Variants in RAP1A observed in about 807,000 individuals in gnomAD.
The protein encoded by RAP1A is ras-related protein Rap-1A.
A neutral mutation model predicts 26.4 loss-of-function variants in RAP1A; 6 were observed. The observed-to-expected ratio is 0.23, with a 90% CI of 0.12 to 0.45. RAP1A has a LOEUF of 0.45. Among genes scored for constraint, RAP1A ranks in the 20% least tolerant of loss-of-function variants. The probability of loss-of-function intolerance (pLI) is 0.99; values close to 1 mark genes in which losing one functional copy is unlikely to be tolerated. For synonymous variants in RAP1A, 73 were observed against 79.4 expected (o/e 0.92, Z 0.43); for missense variants, 121 against 217.2 (o/e 0.56, Z 2.78).
intron 1 of RAP1A, among the ~76,000 whole-genome samples, chr1:111,677,145 G>A (rs1232766738): frequency 6.6e-6 from 1 of 152,140 alleles, no homozygotes; most frequent in Non-Finnish European, 1.5e-5. Context: ...CTTTGTGTCT[G>A]TCTTATTTTG....
intron 1 of RAP1A, among the ~76,000 whole-genome samples, chr1:111,596,137 T>C (rs1658559797): frequency 6.6e-6 from 1 of 152,202 alleles, no homozygotes; most frequent in East Asian, 1.9e-4. Flanking sequence ...AAAGAGTTAA[T>C]GCTTATTGAT....
intron 1 of RAP1A, among the ~76,000 whole-genome samples, chr1:111,639,812 T>C (rs1659840985): frequency 6.6e-6 from 1 of 152,238 alleles, no homozygotes; most frequent in Non-Finnish European, 1.5e-5. Flanking sequence ...TTAAGCTTAT[T>C]ACAGAGGTTT....
intron 1 of RAP1A, among the ~76,000 whole-genome samples, chr1:111,545,480 T>C (rs1657002531): frequency 1.3e-5 from 2 of 152,152 alleles, no homozygotes; most frequent in Non-Finnish European, 2.9e-5. Context: ...ATTTGTCCTT[T>C]TATTGTTGAA....
intron 1 of RAP1A, among the ~76,000 whole-genome samples, chr1:111,620,395 C>T (rs1659155338): frequency 6.6e-6 from 1 of 152,184 alleles, no homozygotes; most frequent in Non-Finnish European, 1.5e-5. Flanking sequence ...TGTCTAGGGT[C>T]AGAGCTTCCT....
intron 1 of RAP1A, among the ~76,000 whole-genome samples, chr1:111,685,721 C>A (rs1332732635): frequency 4.6e-5 from 7 of 152,150 alleles, no homozygotes; most frequent in South Asian, 2.1e-4. Context: ...TGTGGTGATT[C>A]CTCAAGGATC....
chr1:111,704,453 A>G lies in RAP1A; in HGVS notation c.435A>G (p.Glu145=), dbSNP rs1338607624. 1 of 1,613,716 alleles carries G rather than the reference A, an allele frequency of 6.2e-7. No homozygotes were observed. Among genetic ancestry groups the G allele is most frequent in the Admixed American group, 1.7e-5 (1 of 59,950 alleles). The change falls in exon 6 of 8, where the codon GAA becomes GAG. Residue 145 remains glutamate, a synonymous_variant. Coordinates refer to ENST00000369709, the MANE Select transcript of RAP1A (RefSeq NM_002884.4). ...ARQWCNCAFL[E]SSAKSKINVN... is the part of the protein sequence containing the mutation. ...AGTGGTGTAACTGTGCCTTTTTAGA[A>G]TCTTCTGCAAAGTCAAAGATCAATG...
In RAP1A at chr1:111,658,976, C is replaced by T. The variant is rs541224364; in HGVS notation, c.-27-32358C>T. Among the ~76,000 whole-genome samples the T allele has an allele frequency of 5.9e-5, 9 of 152,270 alleles. No individual in the cohort carries two copies. The East Asian group carries it at 9.6e-4, about 16-fold the overall frequency. On this transcript the variant is annotated intron_variant, in intron 1 of 7. Transcript: ENST00000369709. Reference sequence around the variant, plus strand: ...CTTCTTGGAGAATTGATGCCTTTATCGTTATGTAATACTCTTCTTCATACC... The same window carrying T: ...CTTCTTGGAGAATTGATGCCTTTATTGTTATGTAATACTCTTCTTCATACC...
chr1:111,687,191 C>G (rs1386985013), intron 1 of RAP1A, among the ~76,000 whole-genome samples: 1 of 143,574 alleles, frequency 7.0e-6, no homozygotes, highest in African/African-American at 2.6e-5. Context: ...TTCATACTTT[C>G]TTTTTGATTG....
At chr1:111,643,415 A>T (rs579209) in intron 1 of RAP1A, among the ~76,000 whole-genome samples, 134,295 of 152,254 alleles carry the variant, frequency 0.88, 59,557 homozygotes, top group African/African-American at 0.97. Flanking sequence ...TTCTCTGTAC[A>T]TTGGGATACT....
intron 1 of RAP1A, among the ~76,000 whole-genome samples, chr1:111,568,167 G>A (rs1427683332): frequency 1.3e-5 from 2 of 152,186 alleles, no homozygotes; most frequent in African/African-American, 2.4e-5. Flanking sequence ...CACTGTGTTA[G>A]TCTGTTCTTG....
chr1:111,584,494 C>T (rs1658322897), intron 1 of RAP1A, among the ~76,000 whole-genome samples: 3 of 152,094 alleles, frequency 2.0e-5, no homozygotes, highest in South Asian at 4.2e-4. Context: ...ACCCTCAAGC[C>T]TCTTTTATAA....
chr1:111,587,356 T>G (rs1658388885), intron 1 of RAP1A, among the ~76,000 whole-genome samples: 1 of 152,194 alleles, frequency 6.6e-6, no homozygotes, highest in Non-Finnish European at 1.5e-5. Flanking sequence ...ATTAAAGCTA[T>G]CAGGTCGGAA....
chr1:111,607,888 C>T (rs1222639135), intron 1 of RAP1A, among the ~76,000 whole-genome samples: 1 of 137,310 alleles, frequency 7.3e-6, no homozygotes, highest in African/African-American at 2.8e-5. Flanking sequence ...ACCTCCCTCC[C>T]GGACGGGGCG....
At position 111,578,443 on chromosome 1, in the gene RAP1A, T is replaced by C. The variant is rs148840872; in HGVS notation, c.-28+35934T>C. On this transcript the variant is annotated intron_variant, in intron 1 of 7. Transcript: ENST00000356415. ...AGTGGTTTGGTCAGACATATGGGTG[T>C]TATAAGGAAAATTTTTTCTCTAGTT... is the stretch of plus-strand genomic sequence containing the variant. Among the ~76,000 whole-genome samples, 4 of 152,156 alleles carry C rather than the reference T, an allele frequency of 2.6e-5. No individual in the cohort carries two copies. The East Asian group carries it at 7.7e-4, about 29-fold the overall frequency.
intron 6 of RAP1A, among the ~76,000 whole-genome samples, chr1:111,706,362 TAGAG>T (rs1662191480): frequency 6.6e-6 from 1 of 152,100 alleles, no homozygotes; most frequent in Non-Finnish European, 1.5e-5. Flanking sequence ...GCCTGAAGTA[TAGAG>T]AGATACTTTC....
chr1:111,686,020 A>C (rs1661463362), intron 1 of RAP1A, among the ~76,000 whole-genome samples: 1 of 151,860 alleles, frequency 6.6e-6, no homozygotes. Context: ...AAACTAACAC[A>C]GGAACAGAAA....
chr1:111,553,560 T>C (rs906243547), intron 1 of RAP1A, among the ~76,000 whole-genome samples: 2 of 152,204 alleles, frequency 1.3e-5, no homozygotes, highest in Non-Finnish European at 2.9e-5. Context: ...GTTACAAAGG[T>C]ATCTTCCTTA....
chr1:111,660,706 G>A (rs1557882007), intron 1 of RAP1A, among the ~76,000 whole-genome samples: 1 of 152,094 alleles, frequency 6.6e-6, no homozygotes, highest in South Asian at 2.1e-4. Context: ...CTGTCCAGTG[G>A]CTTCCCACGC....
At chr1:111,565,841 A>G (rs1025631222) in intron 1 of RAP1A, among the ~76,000 whole-genome samples, 4 of 152,100 alleles carry the variant, frequency 2.6e-5, no homozygotes, top group African/African-American at 9.7e-5. Flanking sequence ...GGCTCACATT[A>G]TATTTCTACT....
Sources: allele counts gnomAD v4.1 joint callset (sites outside exome capture counted in the v4.1 genomes callset), GRCh38; gene constraint gnomAD v4.1.1; transcripts MANE v1.5; gene names NCBI Gene and HGNC (gene_info 2026-07-23, HGNC 2026-07-21).